The following ZC3H18 variants were observed in gnomAD, a reference collection of about 807,000 sequenced individuals.
ZC3H18 encodes zinc finger CCCH-type containing 18.
ZC3H18 carries 8 observed loss-of-function variants against 106.1 expected under a neutral mutation model. The observed-to-expected ratio is 0.08, with a 90% CI of 0.04 to 0.14. ZC3H18 has a LOEUF of 0.14. ZC3H18 is among the 10% of genes least tolerant of loss of function. The pLI is 1.00. For missense variants in ZC3H18, 1,318 were observed against 1,278.4 expected, an observed-to-expected ratio of 1.03 and a Z score of -0.47; for synonymous variants, 635 against 522.1, an observed-to-expected ratio of 1.22 and a Z score of -2.95.
chr16:88,599,132 C>A (rs1904610728), intron 5 of ZC3H18, among the ~76,000 whole-genome samples: 1 of 152,228 alleles, frequency 6.6e-6, no homozygotes, highest in Non-Finnish European at 1.5e-5. Flanking sequence ...CTGGGCCACA[C>A]CCCAGCTGGC....
chr16:88,627,585 C>A lies in ZC3H18; in HGVS notation c.2109-37C>A. On this transcript the variant is annotated intron_variant, in intron 13 of 17. Transcript: ENST00000301011. The surrounding 1 kb of genome is among the most constrained non-coding windows in gnomAD (Gnocchi z 4.5). ...CCCCCTGCTGGCCCCTCCCTCCAGTCTGGCTGGGGTGTGGTGAGATGTGCT... is the reference window on the plus strand; with the variant it reads ...CCCCCTGCTGGCCCCTCCCTCCAGTATGGCTGGGGTGTGGTGAGATGTGCT... 5 of 1,567,386 alleles carry A rather than the reference C, an allele frequency of 3.2e-6. No individual in the cohort carries two copies. Among genetic ancestry groups the A allele is most frequent in the South Asian group, 1.2e-5 (1 of 85,720 alleles).
chr16:88,608,949 A>G lies in ZC3H18; in HGVS notation c.1104A>G (p.Ala368=), dbSNP rs749073939. The G allele has an allele frequency of 6.2e-7, 1 of 1,613,410 alleles. No individual in the cohort carries two copies. The highest frequency in any genetic ancestry group is 8.5e-7 in the Non-Finnish European group (1 of 1,179,584). Residue 368 remains alanine (A), a synonymous_variant, in exon 7 of 18, where the codon GCA becomes GCG. Coordinates refer to ENST00000301011, the MANE Select transcript of ZC3H18 (RefSeq NM_144604.4). ...DVRDTVLEPY[A]DPYYDYEIER... ...CCCTTTTCAGACTCGAGCCTTACGC[A>G]GACCCTTATTATGACTATGAAATTG... is the stretch of plus-strand genomic sequence containing the variant.
At chr16:88,572,838 ACCT>A (rs1914497074) in intron 1 of ZC3H18, among the ~76,000 whole-genome samples, 1 of 151,700 alleles carries the variant, frequency 6.6e-6, no homozygotes, top group East Asian at 1.9e-4. Flanking sequence ...GCTCACTGCA[ACCT>A]CCTCCTCCTG....
At position 88,631,488 on chromosome 16, in the gene ZC3H18, G is replaced by C. The variant is rs1906688732; in HGVS notation, c.*189G>C. ...CGCTGAATCCCAGCCTCCCTCCCCA[G>C]AGCAGAAGTCCCGCAGGACAGACAG... On this transcript the variant is annotated 3_prime_UTR_variant, in exon 18 of 18. Transcript: ENST00000301011. 2 of 771,830 alleles carry C rather than the reference G, an allele frequency of 2.6e-6. No homozygotes were observed. The highest frequency in any genetic ancestry group is 4.3e-6 in the Non-Finnish European group (2 of 468,046). The allele number at this position is 771,830 out of a possible 1,614,324, so 47.8% of individuals were successfully genotyped here. A position where few individuals can be genotyped will look rare whatever the true frequency, so the allele number is the denominator to read the frequency against.
chr16:88,624,012 A>G lies in ZC3H18; in HGVS notation c.1848A>G (p.Arg616=). Residue 616 remains arginine (R), a synonymous_variant, in exon 11 of 18, where the codon AGA becomes AGG. Coordinates refer to ENST00000301011, the MANE Select transcript of ZC3H18 (RefSeq NM_144604.4). ...PSPSPTPSPH[R]PSIRTKGEPA... is the part of the protein sequence containing the mutation. ...CGTCCCCAACACCTTCCCCACATAG[A>G]CCTTCCATCAGAACCAAGGGAGAGC... 1 of 1,613,556 alleles carries G rather than the reference A, an allele frequency of 6.2e-7. No individual in the cohort carries two copies. Among genetic ancestry groups the G allele is most frequent in the Non-Finnish European group, 8.5e-7 (1 of 1,179,816 alleles).
At chr16:88,587,871 A>G (rs1915528351) in intron 3 of ZC3H18, among the ~76,000 whole-genome samples, 1 of 152,200 alleles carries the variant, frequency 6.6e-6, no homozygotes, top group Non-Finnish European at 1.5e-5. Flanking sequence ...AGCAGCCGGG[A>G]ACGCCCCTGT....
intron 2 of ZC3H18, among the ~76,000 whole-genome samples, chr16:88,583,210 A>G (rs1000659555): frequency 6.6e-6 from 1 of 152,270 alleles, no homozygotes; most frequent in African/African-American, 2.4e-5. Context: ...TGTGTAAGTA[A>G]TACATGTTCA....
At chr16:88,605,387 C>T (rs550073343) in intron 6 of ZC3H18, among the ~76,000 whole-genome samples, 1 of 152,374 alleles carries the variant, frequency 6.6e-6, no homozygotes, top group South Asian at 2.1e-4. Context: ...ACGTGGGCAA[C>T]AGGCAGGTGG....
chr16:88,590,971 CT>C (rs71158738), intron 3 of ZC3H18, among the ~76,000 whole-genome samples: 17,499 of 97,608 alleles, frequency 0.18, 1,384 homozygotes, highest in African/African-American at 0.33. Context: ...TGGTGGAATA[CT>C]TTTTTTTTTT....
intron 2 of ZC3H18, among the ~76,000 whole-genome samples, chr16:88,580,926 A>C (rs1327177553): frequency 6.6e-6 from 1 of 152,060 alleles, no homozygotes; most frequent in African/African-American, 2.4e-5. Context: ...TTTGGCCTGT[A>C]CCTTCGCAAA....
Position 88,631,743 on chromosome 16 carries a change from A to G in ZC3H18, c.*444A>G. ...ACATCCTTCTCCTCCCCCGCCCCTG[A>G]TCACCCGCCCCCGGATCAGAAATAT... On this transcript the variant is annotated 3_prime_UTR_variant, in exon 18 of 18. Transcript: ENST00000301011. The G allele has an allele frequency of 5.1e-6, 2 of 388,394 alleles. No individual in the cohort carries two copies. The highest frequency in any genetic ancestry group is 1.0e-5 in the Non-Finnish European group (2 of 195,954). The allele number at this position is 388,394 out of a possible 1,614,324, so 24.1% of individuals were successfully genotyped here.
At chr16:88,599,319 C>T (rs778519346) in intron 5 of ZC3H18, among the ~76,000 whole-genome samples, 1 of 152,250 alleles carries the variant, frequency 6.6e-6, no homozygotes, top group Non-Finnish European at 1.5e-5. Context: ...TCTAGGCCCA[C>T]GTTGGCCCCA....
rs537470594 is a variant in ZC3H18 at position 88,623,379 on chromosome 16, G to T, written c.1793+35G>T. On this transcript the variant is annotated intron_variant, in intron 10 of 17. Transcript: ENST00000301011. ...CAGGGCCCATGAAGGGCCCTCAGCA[G>T]GTGCAGTGAGCAAGGGCACCTGCGG... 4.9e-5 allele frequency: 79 copies of T among 1,606,448 alleles called. No homozygotes were observed. In the South Asian group the frequency reaches 7.4e-4, roughly 15 times the overall value.
At chr16:88,597,309 T>C (rs536785986) in intron 3 of ZC3H18, among the ~76,000 whole-genome samples, 128 of 152,354 alleles carry the variant, frequency 8.4e-4, no homozygotes, top group Admixed American at 1.4e-3. Flanking sequence ...GATATTGTTA[T>C]TATGTTGTAT....
At chr16:88,583,733 C>T (rs748849146) in intron 2 of ZC3H18, among the ~76,000 whole-genome samples, 7 of 152,202 alleles carry the variant, frequency 4.6e-5, no homozygotes, top group Non-Finnish European at 8.8e-5. Flanking sequence ...CTGTGTGTCT[C>T]CTCACACTCA....
intron 6 of ZC3H18, among the ~76,000 whole-genome samples, chr16:88,605,250 A>T (rs955621084): frequency 1.3e-5 from 2 of 152,222 alleles, no homozygotes; most frequent in Non-Finnish European, 2.9e-5. Flanking sequence ...CCACATGGGT[A>T]AGCCCACAGT....
chr16:88,595,994 C>G (rs1410163977), intron 3 of ZC3H18, among the ~76,000 whole-genome samples: 1 of 152,068 alleles, frequency 6.6e-6, no homozygotes, highest in Non-Finnish European at 1.5e-5. Context: ...GAAGTGTGTC[C>G]CAGCTAGACG....
At chr16:88,610,389 C>A (rs533502019) in intron 7 of ZC3H18, among the ~76,000 whole-genome samples, 2 of 152,340 alleles carry the variant, frequency 1.3e-5, no homozygotes, top group Admixed American at 6.5e-5. Flanking sequence ...AAAAGTCCCC[C>A]TGCTCGATGC....
chr16:88,616,574 C>T (rs1035205089), intron 8 of ZC3H18, among the ~76,000 whole-genome samples: 1 of 152,210 alleles, frequency 6.6e-6, no homozygotes, highest in African/African-American at 2.4e-5. Context: ...GAATTTCCAG[C>T]CAGTGCTCCT....
Sources: allele counts gnomAD v4.1 joint callset (sites outside exome capture counted in the v4.1 genomes callset), GRCh38; gene constraint gnomAD v4.1.1; non-coding constraint Gnocchi (gnomAD v3.1); transcripts MANE v1.5; gene names NCBI Gene and HGNC (gene_info 2026-07-23, HGNC 2026-07-21).